The following CR1 variants were observed in gnomAD, a reference collection of about 807,000 sequenced individuals.
CR1 encodes the protein complement C3b/C4b receptor 1 (Knops blood group).
In CR1, 116 loss-of-function variants were observed where a neutral mutation model predicts 187.3. That is an observed-to-expected ratio of 0.62 (90% CI 0.53 to 0.72). CR1 has a LOEUF of 0.72. Ranked by LOEUF, CR1 falls within the 30% of genes least tolerant of loss-of-function variation. The pLI is 0.00. For missense variants in CR1, 1,731 were observed against 2,110.7 expected (o/e 0.82, Z 3.52); for synonymous variants, 576 against 747.1 (o/e 0.77, Z 3.73).
At chr1:207,496,995 G>C (rs1659108849) in intron 1 of CR1, among the ~76,000 whole-genome samples, 1 of 152,120 alleles carries the variant, frequency 6.6e-6, no homozygotes, top group Admixed American at 6.5e-5. Context: ...GCAGTCCTAG[G>C]GATGCAGGTG....
intron 1 of CR1, among the ~76,000 whole-genome samples, chr1:207,499,937 C>T (rs550650658): frequency 3.3e-5 from 5 of 152,136 alleles, no homozygotes; most frequent in Non-Finnish European, 7.4e-5. Context: ...AAAACCAACT[C>T]CAGAAAACAA....
intron 24 of CR1, 30 bp downstream of exon 24, chr1:207,565,953 A>G (rs1489420391): frequency 2.5e-6 from 4 of 1,609,352 alleles, no homozygotes; most frequent in East Asian, 2.2e-5. Flanking sequence ...TTTCAGGCCA[A>G]TCTCTCCCCT....
intron 33 of CR1, 149 bp from the exon 34 acceptor site, chr1:207,587,237 A>G (rs894320858): frequency 1.5e-6 from 1 of 645,814 alleles, no homozygotes; most frequent in African/African-American, 1.9e-5. Context: ...GCTTCATCCC[A>G]AGGTAACATC....
Position 207,581,898 on chromosome 1 carries a change from A to C in CR1, c.5217-20A>C. The C allele has an allele frequency of 6.3e-7, 1 of 1,578,940 alleles. No individual in the cohort carries two copies. Among genetic ancestry groups the C allele is most frequent in the Non-Finnish European group, 8.7e-7 (1 of 1,148,814 alleles). On this transcript the variant is annotated intron_variant, in intron 31 of 46. Transcript: ENST00000367049. Reference sequence around the variant, plus strand: ...AGAGAAATGGTGCATTCATCCAGCCACTACTGCTTTGTTCTTTAGGTTTCG... The same window carrying C: ...AGAGAAATGGTGCATTCATCCAGCCCCTACTGCTTTGTTCTTTAGGTTTCG...
chr1:207,544,659 A>G (rs1660260385), intron 13 of CR1, among the ~76,000 whole-genome samples: 1 of 140,934 alleles, frequency 7.1e-6, no homozygotes. Flanking sequence ...CATTATGGTG[A>G]CAGTAGGTCT....
intron 39 of CR1, 103 bp from the exon 40 acceptor site, chr1:207,614,301 C>A (rs1443854835): frequency 2.2e-5 from 19 of 862,056 alleles, no homozygotes; most frequent in Non-Finnish European, 3.4e-5. Context: ...AAATGATAGT[C>A]GAGGAGGAAA....
At chr1:207,638,649 T>A (rs1294425141) in intron 46 of CR1, among the ~76,000 whole-genome samples, 1 of 152,190 alleles carries the variant, frequency 6.6e-6, no homozygotes, top group Non-Finnish European at 1.5e-5. Context: ...AACCTTAATA[T>A]AAGGCAGGAG....
chr1:207,502,624 A>G (rs1265828725), intron 1 of CR1, among the ~76,000 whole-genome samples: 1 of 152,218 alleles, frequency 6.6e-6, no homozygotes, highest in African/African-American at 2.4e-5. Flanking sequence ...TGAGGCAGGG[A>G]ACATAGACAA....
In CR1 at chr1:207,496,445, G is replaced by A. The variant is rs1429614581; in HGVS notation, c.121+57G>A. On this transcript the variant is annotated intron_variant, in intron 1 of 46. Coordinates refer to ENST00000367049, the MANE Select transcript of CR1 (RefSeq NM_000651.6). ...GGGCGGACGAGGAACCCGGGGCCCC[G>A]CAGAGAACTCGCGTGCAGCGCTGAG... 5.6e-5 allele frequency: 85 copies of A among 1,527,172 alleles called. No homozygotes were observed. The East Asian group carries it at 1.8e-3, about 32-fold the overall frequency. 94.6% of individuals were successfully genotyped at this position (1,527,172 alleles called of 1,614,324 possible).
At chr1:207,610,796 T>G (rs1192884735) in intron 37 of CR1, among the ~76,000 whole-genome samples, 1 of 152,170 alleles carries the variant, frequency 6.6e-6, no homozygotes, top group African/African-American at 2.4e-5. Flanking sequence ...TTTAATTTAT[T>G]AATCTTTAAT....
chr1:207,632,377 A>G (rs1383767333), intron 46 of CR1, among the ~76,000 whole-genome samples: 3 of 152,244 alleles, frequency 2.0e-5, no homozygotes, highest in Non-Finnish European at 4.4e-5. Context: ...GGTTTCCTAG[A>G]GAATATATTT....
chr1:207,565,071 A>G (rs377412944), intron 23 of CR1, among the ~76,000 whole-genome samples: 2 of 150,034 alleles, frequency 1.3e-5, no homozygotes, highest in East Asian at 1.9e-4. Context: ...TAATATTCCC[A>G]GCAAGGTCAT....
intron 35 of CR1, chr1:207,606,472 T>C: frequency 6.6e-6 from 1 of 152,176 alleles, no homozygotes; most frequent in East Asian, 1.9e-4. Context: ...TCTTACATAA[T>C]CAAGAGGAAA....
At position 207,623,025 on chromosome 1, in the gene CR1, C is replaced by A. The variant is rs772120438; in HGVS notation, c.7309C>A (p.Leu2437Ile). Residue 2437 changes from leucine to isoleucine, a missense_variant, in exon 45 of 47, where the codon CTC (leucine) becomes ATC (isoleucine). Leu to Ile is a conservative substitution (Grantham distance 5). Coordinates refer to ENST00000367049, the MANE Select transcript of CR1 (RefSeq NM_000651.6). ...TLSGTIFFILLIIFLSWIILK... is the reference protein window; with the variant it reads ...TLSGTIFFILIIIFLSWIILK... ...ATCTGGTACGATCTTCTTTATTTTA[C>A]TCATCATTTTCCTCTCTTGGATAAT... is the stretch of plus-strand genomic sequence containing the variant. The A allele has an allele frequency of 2.5e-6, 4 of 1,580,750 alleles. No homozygotes were observed. Among genetic ancestry groups the A allele is most frequent in the African/African-American group, 2.7e-5 (2 of 74,624 alleles).
intron 28 of CR1, among the ~76,000 whole-genome samples, chr1:207,576,584 T>A (rs957784843): frequency 1.3e-5 from 2 of 152,106 alleles, no homozygotes; most frequent in Non-Finnish European, 2.9e-5. Context: ...TTGGGAGGCC[T>A]AGGTGAGCAG....
intron 35 of CR1, among the ~76,000 whole-genome samples, chr1:207,591,927 A>G (rs759463790): frequency 1.3e-5 from 2 of 152,200 alleles, no homozygotes; most frequent in African/African-American, 2.4e-5. Flanking sequence ...GGCCAAAAAC[A>G]AGTTCTGAAA....
intron 34 of CR1, 130 bp downstream of exon 34, chr1:207,587,695 TCG>T: frequency 1.0e-5 from 8 of 782,522 alleles, no homozygotes; most frequent in Non-Finnish European, 1.4e-5. Context: ...ACTCAGGAGT[TCG>T]CAACCAGCCT....
At chr1:207,496,416 G>A (rs1232405673) in intron 1 of CR1, 28 bp downstream of exon 1, 10 of 1,585,640 alleles carry the variant, frequency 6.3e-6, no homozygotes, top group Non-Finnish European at 8.6e-6. Flanking sequence ...GTGGGGAGGC[G>A]CCCGGGCGGA....
rs554076787 is a variant in CR1, at chr1:207,497,050, C to G, written c.121+662C>G. ...CATGGAACTGTCCTCGCCCCCCACA[C>G]CAAGCCACCACGGCCATCATCACCA... is the stretch of plus-strand genomic sequence containing the variant. On this transcript the variant is annotated intron_variant, in intron 1 of 46. Transcript: ENST00000367049. Among the ~76,000 whole-genome samples the G allele has an allele frequency of 4.6e-5, 7 of 152,288 alleles. No homozygotes were observed. In the East Asian group the frequency reaches 1.2e-3, roughly 25 times the overall value.
Sources: allele counts gnomAD v4.1 joint callset (sites outside exome capture counted in the v4.1 genomes callset), GRCh38; gene constraint gnomAD v4.1.1; transcripts MANE v1.5; gene names NCBI Gene and HGNC (gene_info 2026-07-23, HGNC 2026-07-21).